Variants in MACF1 observed in about 807,000 individuals in gnomAD.
The protein encoded by MACF1 is microtubule actin crosslinking factor 1, also known as microtubule-actin cross-linking factor 1.
In MACF1, 193 loss-of-function variants were observed where a neutral mutation model predicts 854.8. The observed-to-expected ratio is 0.23, with a 90% CI of 0.20 to 0.25. The LOEUF is 0.25. MACF1 is among the 10% of genes least tolerant of loss of function. The pLI is 1.00. For synonymous variants in MACF1, 3,185 were observed against 3,226.7 expected (o/e 0.99, Z 0.44); for missense variants, 7,722 against 8,929.1 (o/e 0.86, Z 5.45).
intron 50 of MACF1, among the ~76,000 whole-genome samples, chr1:39,369,438 G>A (rs980932705): frequency 6.6e-6 from 1 of 152,206 alleles, no homozygotes; most frequent in Non-Finnish European, 1.5e-5. Flanking sequence ...GGGGACAAAG[G>A]TCAAGAAAGC....
chr1:39,442,447 G>A lies in MACF1; in HGVS notation c.18984G>A (p.Gln6328=), dbSNP rs1644139041. 1 of 1,614,104 alleles carries A rather than the reference G, an allele frequency of 6.2e-7. No individual in the cohort carries two copies. Among genetic ancestry groups the A allele is most frequent in the African/African-American group, 1.3e-5 (1 of 74,942 alleles). ...KLEGALLALG[Q]FQHALEELMS... ...AAGGGGCTCTGTTGGCCCTTGGTCA[G>A]TTCCAGCATGCCTTAGAGGAACTAA... The change falls in exon 77 of 101, where the codon CAG becomes CAA. Residue 6328 remains glutamine (Q), a synonymous_variant. Transcript: ENST00000564288.
intron 20 of MACF1, among the ~76,000 whole-genome samples, chr1:39,296,813 AG>A (rs767062608): frequency 0.18 from 18,598 of 102,142 alleles, 2,485 homozygotes; most frequent in African/African-American, 0.36. Context: ...AAAGAAAGAA[AG>A]GAAGGAAGGA....
chr1:39,205,974 C>T (rs1384147388), intron 1 of MACF1, among the ~76,000 whole-genome samples: 1 of 152,060 alleles, frequency 6.6e-6, no homozygotes, highest in Non-Finnish European at 1.5e-5. Context: ...ACCCTTGGGT[C>T]TCATTGCCTT....
At chr1:39,127,821 T>G (rs1318239434) in intron 2 of MACF1, among the ~76,000 whole-genome samples, 2 of 152,004 alleles carry the variant, frequency 1.3e-5, no homozygotes, top group Non-Finnish European at 2.9e-5. Flanking sequence ...CATGGGGCCC[T>G]AGTCAGATGT....
At chr1:39,359,093 C>T (rs1647843711) in intron 46 of MACF1, 48 bp from the exon 47 acceptor site, 1 of 1,609,652 alleles carries the variant, frequency 6.2e-7, no homozygotes, top group Admixed American at 1.7e-5. Context: ...CTAGAATCAT[C>T]TTTGATTACT....
chr1:39,441,475 C>T, intron 74 of MACF1, 150 bp downstream of exon 74: 1 of 636,896 alleles, frequency 1.6e-6, no homozygotes. Flanking sequence ...CAAAGTTCCC[C>T]ACTTGTAGTG....
At chr1:39,131,058 G>A (rs944349518) in intron 2 of MACF1, among the ~76,000 whole-genome samples, 2 of 150,166 alleles carry the variant, frequency 1.3e-5, no homozygotes, top group African/African-American at 4.9e-5. Context: ...CACCATGTTA[G>A]CCAGGCTGGT....
chr1:39,146,940 T>TA (rs1325578194), intron 2 of MACF1, among the ~76,000 whole-genome samples: 1 of 152,270 alleles, frequency 6.6e-6, no homozygotes, highest in East Asian at 1.9e-4. Context: ...TGTATGAAAA[T>TA]ATCTCATGTA....
chr1:39,122,126 C>A (rs1483304838), intron 2 of MACF1, among the ~76,000 whole-genome samples: 1 of 152,120 alleles, frequency 6.6e-6, no homozygotes, highest in East Asian at 1.9e-4. Flanking sequence ...TGCACATACT[C>A]CCACTCAGTT....
chr1:39,419,798 A>T (rs924255485), intron 58 of MACF1, among the ~76,000 whole-genome samples: 16 of 131,056 alleles, frequency 1.2e-4, no homozygotes, highest in East Asian at 1.2e-3. Flanking sequence ...ATGCCTGGCT[A>T]GTGTGTGTGT....
In MACF1 at chr1:39,429,976, G is replaced by A. The variant is rs747044288; in HGVS notation, c.17038G>A (p.Gly5680Arg). ...CCAGTCTACTTATGAGGAACTGACC[G>A]GGTGGCTGAGGGAGGTGGAGGAGGA... ...KFQSTYEELT[G>R]WLREVEEELA... The change falls in exon 65 of 101, where the codon GGG (glycine) becomes AGG (arginine). Residue 5680 changes from glycine to arginine, a missense_variant. By Grantham distance (125) the Gly-to-Arg change is moderately radical. Coordinates refer to ENST00000564288, the MANE Select transcript of MACF1 (RefSeq NM_001394062.1). 26 of 1,613,808 alleles carry A rather than the reference G, an allele frequency of 1.6e-5. No individual in the cohort carries two copies. Among genetic ancestry groups the A allele is most frequent in the East Asian group, 4.5e-5 (2 of 44,876 alleles).
At position 39,359,986 on chromosome 1, in the gene MACF1, C is replaced by CA. The variant is rs1178910336; in HGVS notation, c.12244+749dup. Among the ~76,000 whole-genome samples the CA allele has an allele frequency of 1.1e-3, 13 of 11,746 alleles. 2 individuals are homozygous for CA. The highest frequency in any genetic ancestry group is 2.1e-3 in the Admixed American group (1 of 482). The allele number at this position is 11,746 out of a possible 152,430, so 7.7% of individuals were successfully genotyped here. A position where few individuals can be genotyped will look rare whatever the true frequency, so the allele number is the denominator to read the frequency against. On this transcript the variant is annotated intron_variant, in intron 47 of 100. Transcript: ENST00000564288. The stretch of plus-strand genomic sequence containing the variant: ...TGGGCGACACAGCAAGACTCCGTCT[C>CA]AAAAAAAAAAAAAAAAAAAAAAAAA...
chr1:39,325,982 G>A (rs1646601681), intron 35 of MACF1, among the ~76,000 whole-genome samples: 1 of 152,158 alleles, frequency 6.6e-6, no homozygotes, highest in Non-Finnish European at 1.5e-5. Flanking sequence ...TTACCTAGCA[G>A]CCTTAGTGTA....
rs548104092 is a variant in MACF1 at position 39,388,872 on chromosome 1, C to CTTTTTTTTTTT, written c.15816+228_15816+238dup. Among the ~76,000 whole-genome samples, 12 of 87,240 alleles carry CTTTTTTTTTTT rather than the reference C, an allele frequency of 1.4e-4. 1 individual carries two copies. Among genetic ancestry groups the CTTTTTTTTTTT allele is most frequent in the Middle Eastern group, 9.8e-3 (1 of 102 alleles). 57.2% of individuals were successfully genotyped at this position (87,240 alleles called of 152,430 possible). The stretch of plus-strand genomic sequence containing the variant: ...TCTTTTTCTTTTTCTTCTTCTTCTT[C>CTTTTTTTTTTT]TTTTTTTTTTTTTTTTTTTTTTTTG... On this transcript the variant is annotated intron_variant, in intron 58 of 100. Coordinates refer to ENST00000564288, the MANE Select transcript of MACF1 (RefSeq NM_001394062.1).
chr1:39,158,472 T>G (rs1643733742), intron 2 of MACF1, among the ~76,000 whole-genome samples: 1 of 152,182 alleles, frequency 6.6e-6, no homozygotes, highest in African/African-American at 2.4e-5. Flanking sequence ...CTCATTGCCA[T>G]GTAATATTTG....
rs1003989323 is a variant in MACF1 at position 39,427,603 on chromosome 1, A to G, written c.16465A>G (p.Ile5489Val). The G allele has an allele frequency of 6.2e-7, 1 of 1,614,052 alleles. No individual in the cohort carries two copies. Among genetic ancestry groups the G allele is most frequent in the Admixed American group, 1.7e-5 (1 of 60,008 alleles). ...TQTAKIQQQI[I>V]RHKALEEDIE... The stretch of plus-strand genomic sequence containing the variant: ...GACTGCCAAAATACAGCAGCAGATC[A>G]TTCGGCACAAGGTAGGGAGTGGTTA... The change falls in exon 62 of 101, where the codon ATT becomes GTT. Residue 5489 changes from isoleucine to valine, a missense_variant. This residue lies in a region of MACF1 where 2,807 missense variants were observed against 3,235.8 expected (regional missense o/e 0.87). Transcript: ENST00000564288.
chr1:39,124,358 C>T (rs145305815), intron 2 of MACF1, among the ~76,000 whole-genome samples: 34 of 152,246 alleles, frequency 2.2e-4, no homozygotes, highest in African/African-American at 7.7e-4. Flanking sequence ...CTCTCTGTGA[C>T]AGTTTCTCAT....
rs1272721578 is a variant in MACF1 at position 39,084,852 on chromosome 1, C to T, written c.220+414C>T. Among the ~76,000 whole-genome samples, 1 of 152,114 alleles carries T rather than the reference C, an allele frequency of 6.6e-6. No homozygotes were observed. The highest frequency in any genetic ancestry group is 6.6e-5 in the Admixed American group (1 of 15,252). On this transcript the variant is annotated intron_variant, in intron 2 of 93. Coordinates refer to the MACF1 transcript ENST00000361689. The surrounding 1 kb of genome is among the most constrained non-coding windows in gnomAD (Gnocchi z 5.2). The stretch of plus-strand genomic sequence containing the variant: ...CTGTCTATTTCATGACTTTCTAAAT[C>T]CTACTCTTTTTTCACTTTTTGGCTA...
intron 1 of MACF1, among the ~76,000 whole-genome samples, chr1:39,230,329 G>A (rs1270524410): frequency 6.6e-6 from 1 of 152,148 alleles, no homozygotes; most frequent in African/African-American, 2.4e-5. Flanking sequence ...ATCGGGGAAG[G>A]CTAAGGTAGA....
Sources: gnomAD v4.1 joint callset for allele counts (sites outside exome capture counted in the v4.1 genomes callset) on GRCh38, gnomAD v4.1.1 for gene constraint, gnomAD v4.1.1 regional missense constraint, Gnocchi (gnomAD v3.1) non-coding constraint, MANE v1.5 for transcripts, NCBI Gene and HGNC (gene_info 2026-07-23, HGNC 2026-07-21) for gene names.